Variants in COMMD9 observed in about 807,000 individuals in gnomAD.
The protein encoded by COMMD9 is COMM domain-containing protein 9.
COMMD9 carries 22 observed loss-of-function variants against 23.4 expected under a neutral mutation model. The ratio of observed to expected loss-of-function variants is 0.94; its 90% CI spans 0.67 to 1.34. The LOEUF is 1.34. Among genes scored for constraint, COMMD9 ranks in the 40% most tolerant of loss-of-function variants. The probability of loss-of-function intolerance (pLI) is 0.00; values close to 1 mark genes in which losing one functional copy is unlikely to be tolerated. For missense variants in COMMD9, 231 were observed against 240.2 expected (o/e 0.96, Z 0.25); for synonymous variants, 99 against 97.4 (o/e 1.02, Z -0.10).
chr11:36,275,080 G>A (rs993168557), intron 5 of COMMD9, among the ~76,000 whole-genome samples: 3 of 152,296 alleles, frequency 2.0e-5, no homozygotes, highest in Non-Finnish European at 2.9e-5. Flanking sequence ...AAAACATTAC[G>A]TGTGTTTACA....
At chr11:36,283,532 TAA>T (rs1856100503) in intron 1 of COMMD9, among the ~76,000 whole-genome samples, 1 of 152,142 alleles carries the variant, frequency 6.6e-6, no homozygotes, top group Non-Finnish European at 1.5e-5. Flanking sequence ...TAGAATGTAG[TAA>T]TTAGGGCAAC....
At chr11:36,281,046 C>T (rs1190943203) in intron 1 of COMMD9, among the ~76,000 whole-genome samples, 3 of 152,106 alleles carry the variant, frequency 2.0e-5, no homozygotes, top group African/African-American at 2.4e-5. Flanking sequence ...ATACAGAAAA[C>T]ATACATAAGA....
At chr11:36,284,277 GA>G (rs1471289692) in intron 1 of COMMD9, among the ~76,000 whole-genome samples, 4 of 152,204 alleles carry the variant, frequency 2.6e-5, no homozygotes, top group African/African-American at 9.6e-5. Flanking sequence ...CACTGGCAAA[GA>G]AAATTACCAG....
rs369686242 is a variant in COMMD9 at position 36,276,279 on chromosome 11, C to T, written c.353-39G>A. 2.0e-5 allele frequency: 29 copies of T among 1,430,104 alleles called. 1 individual carries two copies. Among genetic ancestry groups the T allele is most frequent in the South Asian group, 1.1e-4 (10 of 87,194 alleles). 88.6% of individuals were successfully genotyped at this position (1,430,104 alleles called of 1,614,324 possible). A position where few individuals can be genotyped will look rare whatever the true frequency, so the allele number is the denominator to read the frequency against. ...AGCTCAGCTCAATGCTCATGCCGCC[C>T]GTGTTTACCAAGCATTTATTGTACG... is the stretch of plus-strand genomic sequence containing the variant. On this transcript the variant is annotated intron_variant, in intron 4 of 5. Transcript: ENST00000263401.
chr11:36,282,189 G>A (rs1856077736), intron 1 of COMMD9, among the ~76,000 whole-genome samples: 1 of 152,076 alleles, frequency 6.6e-6, no homozygotes. Context: ...TGTATCATTG[G>A]AGTCCTGGAA....
Position 36,273,072 on chromosome 11 carries a change from G to T in COMMD9, c.*1560C>A, listed in dbSNP as rs1218498525. 1 of 152,124 alleles carries T rather than the reference G, an allele frequency of 6.6e-6. No individual in the cohort carries two copies. The highest frequency in any genetic ancestry group is 1.5e-5 in the Non-Finnish European group (1 of 68,022). The allele number at this position is 152,124 out of a possible 1,614,324, so 9.4% of individuals were successfully genotyped here. Reference sequence around the variant, plus strand: ...ATTATATCATTTAATTTTCACAAAAGTCCTATCAAGTAGGTACTACTATTA... The same window carrying T: ...ATTATATCATTTAATTTTCACAAAATTCCTATCAAGTAGGTACTACTATTA... On this transcript the variant is annotated 3_prime_UTR_variant, in exon 6 of 6. Transcript: ENST00000263401.
chr11:36,276,405 G>A (rs1167305064), intron 4 of COMMD9, 165 bp from the exon 5 acceptor site: 2 of 604,368 alleles, frequency 3.3e-6, no homozygotes, highest in Non-Finnish European at 3.0e-6. Context: ...AGCGAGTCAT[G>A]TGCCTTACCC....
chr11:36,286,408 A>AG (rs1856154596), intron 1 of COMMD9, among the ~76,000 whole-genome samples: 1 of 86,234 alleles, frequency 1.2e-5, no homozygotes, highest in African/African-American at 4.3e-5. Context: ...AAAAAAAAAA[A>AG]AAAAAGAAAG....
intron 1 of COMMD9, among the ~76,000 whole-genome samples, chr11:36,286,326 G>A (rs1256471764): frequency 6.9e-6 from 1 of 145,976 alleles, no homozygotes; most frequent in Non-Finnish European, 1.5e-5. Flanking sequence ...AAGGCTGGTG[G>A]ATCACTTGTG....
chr11:36,281,929 C>T (rs142146602), intron 1 of COMMD9, among the ~76,000 whole-genome samples: 5 of 152,100 alleles, frequency 3.3e-5, no homozygotes, highest in African/African-American at 4.8e-5. Context: ...TTTTTAAAAT[C>T]GCCTCCTCAG....
At chr11:36,276,995 T>A in intron 4 of COMMD9, 94 bp downstream of exon 4, 3 of 1,132,514 alleles carry the variant, frequency 2.6e-6, no homozygotes, top group Non-Finnish European at 3.7e-6. Flanking sequence ...ATGGTTCACT[T>A]TGGTTTCTGC....
intron 1 of COMMD9, among the ~76,000 whole-genome samples, chr11:36,286,395 C>CAAAAAAAAAA (rs138463305): frequency 8.5e-4 from 65 of 76,890 alleles, no homozygotes; most frequent in African/African-American, 1.1e-3. Context: ...ACTAAAAATA[C>CAAAAAAAAAA]AAAAAAAAAA....
At chr11:36,276,064 C>G in intron 5 of COMMD9, 73 bp downstream of exon 5, 2 of 1,109,174 alleles carry the variant, frequency 1.8e-6, no homozygotes, top group East Asian at 2.4e-5. Flanking sequence ...AGATCCCAAA[C>G]CTTGGAGACT....
At chr11:36,276,460 C>T (rs1230968153) in intron 4 of COMMD9, 13 of 477,658 alleles carry the variant, frequency 2.7e-5, no homozygotes, top group South Asian at 2.0e-4. Flanking sequence ...ACAGTGGCAG[C>T]GTATCCAGGC....
At chr11:36,284,824 A>T (rs1856125039) in intron 1 of COMMD9, among the ~76,000 whole-genome samples, 1 of 152,242 alleles carries the variant, frequency 6.6e-6, no homozygotes, top group Admixed American at 6.5e-5. Flanking sequence ...AATTACACTG[A>T]ATAAGTGAAA....
chr11:36,289,338 G>C (rs1856227756), intron 1 of COMMD9, 24 bp downstream of exon 1: 7 of 1,547,696 alleles, frequency 4.5e-6, no homozygotes, highest in African/African-American at 2.7e-5. Context: ...GCCACCTCAC[G>C]CTGTCCCCAC....
intron 1 of COMMD9, among the ~76,000 whole-genome samples, chr11:36,286,618 A>G (rs769064953): frequency 6.6e-6 from 1 of 151,894 alleles, no homozygotes; most frequent in African/African-American, 2.4e-5. Flanking sequence ...ACAAACAAAC[A>G]AACCAAAAAA....
At chr11:36,277,040 G>C in intron 4 of COMMD9, 49 bp downstream of exon 4, 1 of 1,537,084 alleles carries the variant, frequency 6.5e-7, no homozygotes, top group Non-Finnish European at 8.9e-7. Flanking sequence ...CTGAGAGCTG[G>C]GGCTGGGGAG....
At chr11:36,278,398 T>C (rs1856009519) in intron 3 of COMMD9, 79 bp downstream of exon 3, 7 of 1,335,124 alleles carry the variant, frequency 5.2e-6, no homozygotes, top group Non-Finnish European at 7.4e-6. Context: ...ACAATGAGCA[T>C]ATTACTACTT....
Sources: gnomAD v4.1 joint callset for allele counts (sites outside exome capture counted in the v4.1 genomes callset) on GRCh38, gnomAD v4.1.1 for gene constraint, MANE v1.5 for transcripts, NCBI Gene and HGNC (gene_info 2026-07-23, HGNC 2026-07-21) for gene names.